TRIM2: variants seen among roughly 807,000 people sequenced by gnomAD.
The protein encoded by TRIM2 is tripartite motif-containing protein 2.
TRIM2 carries 20 observed loss-of-function variants against 75.2 expected under a neutral mutation model. That is an observed-to-expected ratio of 0.27 (90% CI 0.19 to 0.39). The LOEUF is 0.39. Among genes scored for constraint, TRIM2 ranks in the 10% least tolerant of loss-of-function variants. The pLI is 1.00. For synonymous variants in TRIM2, 373 were observed against 388.3 expected (o/e 0.96, Z 0.46); for missense variants, 660 against 990.8 (o/e 0.67, Z 4.48).
chr4:153,335,526 G>T lies in TRIM2; in HGVS notation c.*560G>T. 6.1e-6 allele frequency: 6 copies of T among 985,364 alleles called. No homozygotes were observed. Among genetic ancestry groups the T allele is most frequent in the Non-Finnish European group, 7.2e-6 (6 of 829,920 alleles). 61.0% of individuals were successfully genotyped at this position (985,364 alleles called of 1,614,324 possible). On this transcript the variant is annotated 3_prime_UTR_variant, in exon 12 of 12. Transcript: ENST00000338700. Reference sequence around the variant, plus strand: ...TGTCTTGCAAAATGATCCCAGCTCTGATTAGCAGCCCTCTGGAGTTCAGAA... The same window carrying T: ...TGTCTTGCAAAATGATCCCAGCTCTTATTAGCAGCCCTCTGGAGTTCAGAA...
chr4:153,174,996 GTTTTGT>G (rs1448289130), intron 1 of TRIM2, among the ~76,000 whole-genome samples: 1 of 121,626 alleles, frequency 8.2e-6, no homozygotes, highest in Non-Finnish European at 1.8e-5. Flanking sequence ...TGTTGTTGTT[GTTTTGT>G]TTTTGTTTTG....
Position 153,322,085 on chromosome 4 carries a change from A to G in TRIM2, c.1783-563A>G, listed in dbSNP as rs529433036. Among the ~76,000 whole-genome samples the G allele has an allele frequency of 1.1e-3, 167 of 152,188 alleles. No homozygotes were observed. The South Asian group carries it at 0.018, about 16-fold the overall frequency. On this transcript the variant is annotated intron_variant, in intron 8 of 11. Coordinates refer to ENST00000338700, the MANE Select transcript of TRIM2 (RefSeq NM_015271.5). ...GTGACCCCAGTTTAGGGGATCCTAGACTATTTTTGGTGGTGATCTCTTTTA... is the reference window on the plus strand; with the variant it reads ...GTGACCCCAGTTTAGGGGATCCTAGGCTATTTTTGGTGGTGATCTCTTTTA...
intron 1 of TRIM2, among the ~76,000 whole-genome samples, chr4:153,239,838 T>C (rs953087517): frequency 1.1e-4 from 16 of 149,352 alleles, no homozygotes; most frequent in African/African-American, 3.0e-4. Context: ...CTTTCTCTTT[T>C]TTTTTTTTTT....
At chr4:153,174,490 G>A (rs1339296264) in intron 1 of TRIM2, among the ~76,000 whole-genome samples, 1 of 152,138 alleles carries the variant, frequency 6.6e-6, no homozygotes, top group East Asian at 1.9e-4. Flanking sequence ...TGCCCCCACC[G>A]GGTGTGCAAA....
rs1772341114 is a variant in TRIM2 at position 153,335,435 on chromosome 4, A to G, written c.*469A>G. The G allele has an allele frequency of 1.0e-6, 1 of 985,508 alleles. No individual in the cohort carries two copies. The highest frequency in any genetic ancestry group is 1.1e-4 in the East Asian group (1 of 8,812). 61.0% of individuals were successfully genotyped at this position (985,508 alleles called of 1,614,324 possible). On this transcript the variant is annotated 3_prime_UTR_variant, in exon 12 of 12. Coordinates refer to ENST00000338700, the MANE Select transcript of TRIM2 (RefSeq NM_015271.5). ...TTCTAACCTCACTTTTACAGTAGGT[A>G]TTACTCTTGTGACATTTTTTTGGTT...
At chr4:153,213,269 T>C (rs964699643) in intron 1 of TRIM2, among the ~76,000 whole-genome samples, 1 of 152,202 alleles carries the variant, frequency 6.6e-6, no homozygotes, top group Admixed American at 6.5e-5. Flanking sequence ...TTTTTAACCA[T>C]TATGTGATGC....
chr4:153,244,400 TTC>T lies in TRIM2; in HGVS notation c.31-25933_31-25932del, dbSNP rs1427280850. On this transcript the variant is annotated intron_variant, in intron 1 of 11. Transcript: ENST00000338700. ...CTTCTTCTTCTTCTTCTTCTTCTTC[TTC>T]TTCTTCTTCTTCTTCTTCTTCTTCT... Among the ~76,000 whole-genome samples the T allele has an allele frequency of 1.3e-3, 103 of 79,380 alleles. 8 individuals carry two copies. Among genetic ancestry groups the T allele is most frequent in the Non-Finnish European group, 1.9e-3 (84 of 43,614 alleles). The allele number at this position is 79,380 out of a possible 152,430, so 52.1% of individuals were successfully genotyped here.
At chr4:153,260,743 CATG>C (rs1256168336) in intron 1 of TRIM2, among the ~76,000 whole-genome samples, 5 of 119,480 alleles carry the variant, frequency 4.2e-5, no homozygotes, top group Non-Finnish European at 5.4e-5. Context: ...TCATCATCAT[CATG>C]ATCATCATCA....
chr4:153,271,795 G>A (rs9997216), intron 2 of TRIM2, among the ~76,000 whole-genome samples: 3,822 of 152,224 alleles, frequency 0.025, 152 homozygotes, highest in African/African-American at 0.084. Context: ...TGGGAAGATC[G>A]TTACCTGATG....
chr4:153,239,071 G>A (rs531873887), intron 1 of TRIM2, among the ~76,000 whole-genome samples: 3 of 152,266 alleles, frequency 2.0e-5, no homozygotes, highest in African/African-American at 7.2e-5. Context: ...TAACTCTGGC[G>A]GCCGGGCGTG....
At chr4:153,244,179 TCTC>T (rs1225905878) in intron 1 of TRIM2, among the ~76,000 whole-genome samples, 21 of 138,418 alleles carry the variant, frequency 1.5e-4, no homozygotes, top group African/African-American at 2.8e-4. Context: ...TTCTTCTTCT[TCTC>T]CTCCTTCTTC....
At chr4:153,190,579 C>G (rs1389096738) in intron 1 of TRIM2, among the ~76,000 whole-genome samples, 1 of 152,098 alleles carries the variant, frequency 6.6e-6, no homozygotes, top group Non-Finnish European at 1.5e-5. Context: ...CTACTGTTAA[C>G]CATCTTTTCA....
chr4:153,206,847 C>A (rs918462788), intron 1 of TRIM2, among the ~76,000 whole-genome samples: 9 of 152,144 alleles, frequency 5.9e-5, no homozygotes, highest in Admixed American at 5.9e-4. Context: ...CAAAAAGGCT[C>A]TTTATCACTT....
intron 1 of TRIM2, among the ~76,000 whole-genome samples, chr4:153,162,219 A>AAT (rs1172320608): frequency 6.6e-6 from 1 of 152,122 alleles, no homozygotes; most frequent in South Asian, 2.1e-4. Context: ...ACCAGTGGGA[A>AAT]ATATATACAT....
chr4:153,172,188 T>C (rs926574092), intron 1 of TRIM2, among the ~76,000 whole-genome samples: 7 of 151,988 alleles, frequency 4.6e-5, no homozygotes. Flanking sequence ...TGATTTTTAT[T>C]TTTATTTTTT....
At chr4:153,192,379 G>A (rs1733284989) in intron 1 of TRIM2, among the ~76,000 whole-genome samples, 1 of 152,134 alleles carries the variant, frequency 6.6e-6, no homozygotes, top group Non-Finnish European at 1.5e-5. Context: ...GGCCAAGGCA[G>A]GTGGATCACT....
upstream of TRIM2, chr4:153,152,406 G>GTATATA (rs1421478817): frequency 5.7e-4 from 19 of 33,610 alleles, no homozygotes; most frequent in East Asian, 7.2e-4. Flanking sequence ...ATATATATGT[G>GTATATA]TGTATATATA....
intron 1 of TRIM2, among the ~76,000 whole-genome samples, chr4:153,249,890 G>C (rs1435168835): frequency 6.6e-6 from 1 of 152,186 alleles, no homozygotes; most frequent in Non-Finnish European, 1.5e-5. Context: ...GGAACCCATA[G>C]TTAGCACCGG....
At chr4:153,177,970 T>G (rs1420919915) in intron 1 of TRIM2, among the ~76,000 whole-genome samples, 1 of 151,690 alleles carries the variant, frequency 6.6e-6, no homozygotes, top group African/African-American at 2.4e-5. Context: ...CCTGGCTAAT[T>G]TTTGTATTTT....
Sources: allele counts gnomAD v4.1 joint callset (sites outside exome capture counted in the v4.1 genomes callset), GRCh38; gene constraint gnomAD v4.1.1; transcripts MANE v1.5; gene names NCBI Gene and HGNC (gene_info 2026-07-23, HGNC 2026-07-21).